The following ASTN2 variants were observed in gnomAD, a reference collection of about 807,000 sequenced individuals.
The protein encoded by ASTN2 is astrotactin-2.
In ASTN2, 54 loss-of-function variants were observed where a neutral mutation model predicts 139.8. That is an observed-to-expected ratio of 0.39 (90% confidence interval 0.31 to 0.48). The LOEUF is 0.48. Ranked by LOEUF, ASTN2 falls within the 20% of genes least tolerant of loss-of-function variation. The pLI is 0.95. For missense variants in ASTN2, 1,565 were observed against 1,725.1 expected (o/e 0.91, Z 1.64); for synonymous variants, 756 against 719.5 (o/e 1.05, Z -0.81).
intron 1 of ASTN2, among the ~76,000 whole-genome samples, chr9:117,396,729 C>G (rs1830685768): frequency 6.6e-6 from 1 of 151,938 alleles, no homozygotes; most frequent in South Asian, 2.1e-4. Flanking sequence ...CCATGCCCAG[C>G]TAATTTTTGT....
At chr9:116,557,474 G>GCA (rs1034851810) in intron 19 of ASTN2, 3 of 152,068 alleles carry the variant, frequency 2.0e-5, no homozygotes, top group African/African-American at 7.2e-5. Flanking sequence ...AGTATTTATA[G>GCA]CACACAGCAT....
chr9:116,848,592 GTC>G (rs1248779468), intron 11 of ASTN2, among the ~76,000 whole-genome samples: 1 of 152,174 alleles, frequency 6.6e-6, no homozygotes, highest in African/African-American at 2.4e-5. Flanking sequence ...TGGCACCTGA[GTC>G]TCTTTTCTTA....
At chr9:116,963,390 A>C (rs1160038196) in intron 10 of ASTN2, among the ~76,000 whole-genome samples, 5 of 152,240 alleles carry the variant, frequency 3.3e-5, no homozygotes, top group Non-Finnish European at 7.3e-5. Context: ...AGATGAGATC[A>C]GAGGGTATTA....
intron 3 of ASTN2, among the ~76,000 whole-genome samples, chr9:117,163,784 G>A (rs1397181945): frequency 6.6e-6 from 1 of 151,828 alleles, no homozygotes; most frequent in Non-Finnish European, 1.5e-5. Context: ...TTCCCCCAAC[G>A]GGTTAAGTAC....
chr9:116,979,115 T>C (rs1328995241), intron 7 of ASTN2, among the ~76,000 whole-genome samples: 2 of 152,200 alleles, frequency 1.3e-5, no homozygotes, highest in African/African-American at 4.8e-5. Context: ...GTTTTATAGA[T>C]GACACTGCTG....
chr9:116,950,984 G>A (rs1835541852), intron 10 of ASTN2, among the ~76,000 whole-genome samples: 2 of 152,104 alleles, frequency 1.3e-5, no homozygotes, highest in Non-Finnish European at 2.9e-5. Flanking sequence ...CATACCTATG[G>A]AAGACACAGA....
At chr9:116,742,933 A>T (rs1202008427) in intron 13 of ASTN2, among the ~76,000 whole-genome samples, 3 of 152,190 alleles carry the variant, frequency 2.0e-5, no homozygotes, top group Non-Finnish European at 4.4e-5. Flanking sequence ...TGTGTGTTCC[A>T]ACACATTGCT....
At chr9:116,622,892 C>A (rs772218438) in intron 17 of ASTN2, among the ~76,000 whole-genome samples, 1 of 152,222 alleles carries the variant, frequency 6.6e-6, no homozygotes, top group Non-Finnish European at 1.5e-5. Context: ...CAGAAGGAGG[C>A]ACTCTCATGA....
At chr9:117,312,015 A>G (rs116299365) in intron 1 of ASTN2, among the ~76,000 whole-genome samples, 1 of 152,190 alleles carries the variant, frequency 6.6e-6, no homozygotes, top group African/African-American at 2.4e-5. Flanking sequence ...TAAGTCCCCA[A>G]AAGGCCTTAG....
intron 19 of ASTN2, among the ~76,000 whole-genome samples, chr9:116,573,231 A>G (rs1853594201): frequency 6.6e-6 from 1 of 152,242 alleles, no homozygotes; most frequent in Non-Finnish European, 1.5e-5. Context: ...CTGATAAGCA[A>G]TGGCTATTCT....
At chr9:116,786,969 A>C (rs1380200251) in intron 13 of ASTN2, among the ~76,000 whole-genome samples, 1 of 152,094 alleles carries the variant, frequency 6.6e-6, no homozygotes, top group Non-Finnish European at 1.5e-5. Flanking sequence ...CTTTCACTGG[A>C]CACTCATTCT....
intron 3 of ASTN2, among the ~76,000 whole-genome samples, chr9:117,191,034 G>T (rs1831334583): frequency 6.6e-6 from 1 of 152,118 alleles, no homozygotes; most frequent in Admixed American, 6.5e-5. Context: ...ATGAATAAAT[G>T]TTACCTTATT....
intron 5 of ASTN2, among the ~76,000 whole-genome samples, chr9:117,073,661 A>G (rs1828195585): frequency 6.6e-6 from 1 of 152,166 alleles, no homozygotes; most frequent in South Asian, 2.1e-4. Context: ...CTGATGAATG[A>G]ATGAAGGGAC....
intron 19 of ASTN2, among the ~76,000 whole-genome samples, chr9:116,537,681 C>A (rs887326071): frequency 6.6e-6 from 1 of 152,162 alleles, no homozygotes; most frequent in African/African-American, 2.4e-5. Context: ...CCATTCACTG[C>A]AAATTGGTAA....
chr9:116,549,229 G>C (rs563087255), intron 19 of ASTN2, among the ~76,000 whole-genome samples: 1 of 146,188 alleles, frequency 6.8e-6, no homozygotes, highest in South Asian at 2.2e-4. Context: ...AAAGAAAGAA[G>C]GAAATGCAAA....
At chr9:116,535,519 C>G (rs376028212) in intron 19 of ASTN2, among the ~76,000 whole-genome samples, 128 of 152,214 alleles carry the variant, frequency 8.4e-4, no homozygotes, top group African/African-American at 2.9e-3. Flanking sequence ...ATGTTTAGTT[C>G]TTCCTTCAGG....
chr9:116,499,519 CTA>C (rs1210512530), intron 19 of ASTN2, among the ~76,000 whole-genome samples: 1 of 152,170 alleles, frequency 6.6e-6, no homozygotes, highest in Non-Finnish European at 1.5e-5. Flanking sequence ...GTGTCCCTCT[CTA>C]TTATAGTCCA....
chr9:116,889,499 G>T (rs1833703245), intron 10 of ASTN2, among the ~76,000 whole-genome samples: 1 of 152,084 alleles, frequency 6.6e-6, no homozygotes, highest in African/African-American at 2.4e-5. Context: ...ATAGGAGTAT[G>T]CTGTGTGTTT....
intron 3 of ASTN2, among the ~76,000 whole-genome samples, chr9:117,183,989 G>T (rs1831136510): frequency 6.6e-6 from 1 of 152,136 alleles, no homozygotes. Context: ...CCAGCCCTCA[G>T]AACCAAGCCA....
Sources: gnomAD v4.1 joint callset for allele counts (sites outside exome capture counted in the v4.1 genomes callset) on GRCh38, gnomAD v4.1.1 for gene constraint, MANE v1.5 for transcripts, NCBI Gene and HGNC (gene_info 2026-07-23, HGNC 2026-07-21) for gene names.